EPS15L1: variants seen among roughly 807,000 people sequenced by gnomAD.
EPS15L1 encodes the protein epidermal growth factor receptor substrate 15-like 1.
Under a neutral mutation model 117.1 loss-of-function variants are expected in EPS15L1, and 43 were observed. The observed-to-expected ratio is 0.37, with a 90% CI of 0.29 to 0.47. The LOEUF (loss-of-function observed/expected upper bound fraction) is 0.47. Ranked by LOEUF, EPS15L1 falls within the 20% of genes least tolerant of loss-of-function variation. The probability of loss-of-function intolerance (pLI) is 0.99; values close to 1 mark genes in which losing one functional copy is unlikely to be tolerated. For missense variants in EPS15L1, 981 were observed against 1,164.0 expected, an observed-to-expected ratio of 0.84 and a Z score of 2.29; for synonymous variants, 459 against 470.5, an observed-to-expected ratio of 0.98 and a Z score of 0.32.
intron 8 of EPS15L1, 55 bp from the exon 9 acceptor site, chr19:16,425,371 CAGG>C (rs1299824346): frequency 4.7e-6 from 6 of 1,278,074 alleles, no homozygotes; most frequent in Non-Finnish European, 6.7e-6. Flanking sequence ...CCGGGACCAT[CAGG>C]AGAAGGCAGA....
At chr19:16,394,644 G>T (rs1280130506) in intron 17 of EPS15L1, among the ~76,000 whole-genome samples, 1 of 152,194 alleles carries the variant, frequency 6.6e-6, no homozygotes, top group Admixed American at 6.5e-5. Flanking sequence ...TGTGGCTCTG[G>T]ACAGACTCCT....
At chr19:16,421,044 CAGCTGTGTA>C (rs2092808816) in intron 10 of EPS15L1, among the ~76,000 whole-genome samples, 1 of 152,264 alleles carries the variant, frequency 6.6e-6, no homozygotes, top group Non-Finnish European at 1.5e-5. Flanking sequence ...GAATAGGGCC[CAGCTGTGTA>C]AGCAAATGGC....
rs1263290435 is a variant in EPS15L1, at chr19:16,394,877, G to C, written c.1915+467C>G. Among the ~76,000 whole-genome samples the C allele has an allele frequency of 2.0e-5, 3 of 152,164 alleles. No individual in the cohort carries two copies. The South Asian group carries it at 6.2e-4, about 32-fold the overall frequency. On this transcript the variant is annotated intron_variant, in intron 17 of 23. Coordinates refer to ENST00000455140, the MANE Select transcript of EPS15L1 (RefSeq NM_001258374.3). ...TGGTGAGCTTGGAACACTTCCCACTGTATCTTGATGCCTTGGCTCTCTGGT... is the reference window on the plus strand; with the variant it reads ...TGGTGAGCTTGGAACACTTCCCACTCTATCTTGATGCCTTGGCTCTCTGGT...
In EPS15L1 at chr19:16,394,002, C is replaced by CA; in HGVS notation, c.1916-2_1916-1insT. The CA allele has an allele frequency of 6.2e-7, 1 of 1,614,046 alleles. No homozygotes were observed. The highest frequency in any genetic ancestry group is 8.5e-7 in the Non-Finnish European group (1 of 1,179,940). ...AAGGGGTCATTCTGGAACGGGTCGC[C>CA]TGGTTGGAAGAGGAGAGAAATGCTT... On this transcript the variant is annotated splice_acceptor_variant, in intron 17 of 23. Transcript: ENST00000455140. LOFTEE classifies it high-confidence loss of function.
At chr19:16,463,271 C>T (rs991110183) in intron 1 of EPS15L1, among the ~76,000 whole-genome samples, 6 of 152,202 alleles carry the variant, frequency 3.9e-5, no homozygotes, top group African/African-American at 7.2e-5. Flanking sequence ...TGTCCTGGCT[C>T]CCTGAAGGTG....
chr19:16,376,987 C>CG (rs1450754177), intron 22 of EPS15L1, 135 bp downstream of exon 22: 9 of 1,164,746 alleles, frequency 7.7e-6, no homozygotes, highest in East Asian at 2.5e-5. Context: ...GCAGCTGGGC[C>CG]GGGGGGACCC....
chr19:16,404,832 G>C lies in EPS15L1; in HGVS notation c.1267-83C>G. 2.0e-6 allele frequency: 3 copies of C among 1,506,024 alleles called. No homozygotes were observed. Among genetic ancestry groups the C allele is most frequent in the South Asian group, 1.2e-5 (1 of 82,552 alleles). 93.3% of individuals were successfully genotyped at this position (1,506,024 alleles called of 1,614,324 possible). On this transcript the variant is annotated intron_variant, in intron 13 of 23. Coordinates refer to ENST00000455140, the MANE Select transcript of EPS15L1 (RefSeq NM_001258374.3). The surrounding 1 kb of genome is among the most constrained non-coding windows in gnomAD (Gnocchi z 4.2). ...TAACGGGGGGCAGCCTGGGCCAGAA[G>C]TCCAGGGGAAGCCTCCGAAACCACC...
At position 16,377,280 on chromosome 19, in the gene EPS15L1, G is replaced by A. The variant is rs749231663; in HGVS notation, c.2248-26C>T. On this transcript the variant is annotated intron_variant, in intron 21 of 23. Coordinates refer to ENST00000455140, the MANE Select transcript of EPS15L1 (RefSeq NM_001258374.3). ...CTGTAAGAGAGGACATGAAAGAGAG[G>A]CAAAAATAGTTGTTAAAACAAAGGT... The A allele has an allele frequency of 5.0e-6, 8 of 1,604,220 alleles. No individual in the cohort carries two copies. In the African/African-American group the frequency reaches 8.1e-5, roughly 16 times the overall value.
intron 8 of EPS15L1, 54 bp from the exon 9 acceptor site, chr19:16,425,370 T>G: frequency 1.5e-6 from 2 of 1,313,090 alleles, no homozygotes; most frequent in South Asian, 2.5e-5. Context: ...GCCGGGACCA[T>G]CAGGAGAAGG....
At chr19:16,441,043 G>C in intron 3 of EPS15L1, 134 bp from the exon 4 acceptor site, 1 of 849,930 alleles carries the variant, frequency 1.2e-6, no homozygotes, top group South Asian at 1.4e-5. Flanking sequence ...TCCTGCAGAT[G>C]AAGAAGCCAA....
At chr19:16,465,535 T>C (rs916841792) in intron 1 of EPS15L1, among the ~76,000 whole-genome samples, 6 of 152,076 alleles carry the variant, frequency 3.9e-5, no homozygotes, top group African/African-American at 1.2e-4. Flanking sequence ...AATTAAAAAT[T>C]AGCCAGGTGT....
chr19:16,468,848 C>T (rs76190744), intron 1 of EPS15L1, among the ~76,000 whole-genome samples: 1 of 149,738 alleles, frequency 6.7e-6, no homozygotes, highest in African/African-American at 2.4e-5. Context: ...TTCATCTCTT[C>T]AAAAAAAAAA....
chr19:16,403,496 G>A (rs2092623194), intron 15 of EPS15L1, among the ~76,000 whole-genome samples: 2 of 152,150 alleles, frequency 1.3e-5, no homozygotes, highest in African/African-American at 2.4e-5. Flanking sequence ...CCTACTCCTT[G>A]AAGATGCTGT....
Position 16,418,109 on chromosome 19 carries a change from G to A in EPS15L1, c.951-5C>T. On this transcript the variant is annotated splice_polypyrimidine_tract_variant and splice_region_variant and intron_variant, in intron 10 of 23. Transcript: ENST00000455140. ...TGCCTCGTATCGGCCAGGGCCCTGG[G>A]AGAAACGTGGGGATGCTAATTACAC... The A allele has an allele frequency of 1.2e-6, 2 of 1,610,762 alleles. No homozygotes were observed. The highest frequency in any genetic ancestry group is 1.7e-6 in the Non-Finnish European group (2 of 1,178,068).
intron 23 of EPS15L1, chr19:16,356,952 C>T (rs1471221683): frequency 6.6e-6 from 1 of 152,172 alleles, no homozygotes; most frequent in Non-Finnish European, 1.5e-5. Context: ...CGATGCACTG[C>T]CTCTGACCAG....
intron 1 of EPS15L1, among the ~76,000 whole-genome samples, chr19:16,447,926 T>C (rs2093100150): frequency 6.6e-6 from 1 of 152,146 alleles, no homozygotes; most frequent in African/African-American, 2.4e-5. Context: ...GAACAGAATG[T>C]AGAATCTGAG....
At chr19:16,379,731 G>C (rs2092339053) in intron 21 of EPS15L1, among the ~76,000 whole-genome samples, 2 of 152,238 alleles carry the variant, frequency 1.3e-5, no homozygotes, top group African/African-American at 4.8e-5. Context: ...CCAGCGTCTA[G>C]TCACACAGAC....
rs989536254 is a variant in EPS15L1 at position 16,385,210 on chromosome 19, A to T, written c.2166T>A (p.Asp722Glu). 6.2e-7 allele frequency: 1 copy of T among 1,613,838 alleles called. No individual in the cohort carries two copies. The highest frequency in any genetic ancestry group is 1.3e-5 in the African/African-American group (1 of 74,904). Residue 722 changes from aspartate to glutamate, a missense_variant and splice_region_variant, in exon 21 of 24, where the codon GAT becomes GAA. Around this residue, in one of 5 missense-constraint regions of EPS15L1, gnomAD observed 819 missense variants for 949.0 expected, o/e 0.86. Coordinates refer to ENST00000455140, the MANE Select transcript of EPS15L1 (RefSeq NM_001258374.3). The stretch of plus-strand genomic sequence containing the variant: ...CGAAGGGATCTAAGGTTCCAAAGGG[A>T]TCTGCAATCGGCACCAACAAAGTCA... ...SSSSVSSKGS[D>E]PFGTLDPFGS...
intron 3 of EPS15L1, 27 bp downstream of exon 3, chr19:16,441,865 G>A (rs780184218): frequency 3.8e-6 from 6 of 1,580,170 alleles, no homozygotes; most frequent in Non-Finnish European, 4.3e-6. Context: ...AGCCACAGAA[G>A]AGAAATCACT....
Sources: allele counts gnomAD v4.1 joint callset (sites outside exome capture counted in the v4.1 genomes callset), GRCh38; gene constraint gnomAD v4.1.1; regional missense constraint gnomAD v4.1.1; non-coding constraint Gnocchi (gnomAD v3.1); transcripts MANE v1.5; gene names NCBI Gene and HGNC (gene_info 2026-07-23, HGNC 2026-07-21).